CRIM1: variants seen among roughly 807,000 people sequenced by gnomAD.
The protein encoded by CRIM1 is cysteine rich transmembrane BMP regulator 1.
CRIM1 carries 32 observed loss-of-function variants against 116.4 expected under a neutral mutation model. The observed-to-expected ratio is 0.27, with a 90% CI of 0.21 to 0.37. The LOEUF (loss-of-function observed/expected upper bound fraction) is 0.37, where lower values mean the gene tolerates loss of function less well. Ranked by LOEUF, CRIM1 falls within the 10% of genes least tolerant of loss-of-function variation. The pLI is 1.00. For missense variants in CRIM1, 1,331 were observed against 1,354.8 expected (o/e 0.98, Z 0.28); for synonymous variants, 590 against 509.2 (o/e 1.16, Z -2.13).
chr2:36,492,979 A>G (rs1227830737), intron 7 of CRIM1, among the ~76,000 whole-genome samples: 2 of 152,220 alleles, frequency 1.3e-5, no homozygotes, highest in African/African-American at 4.8e-5. Flanking sequence ...TTTACAAAGA[A>G]GAGCTATGTA....
At chr2:36,388,216 G>A (rs56295703) in intron 1 of CRIM1, among the ~76,000 whole-genome samples, 31,988 of 151,904 alleles carry the variant, frequency 0.21, 3,453 homozygotes, top group Admixed American at 0.29. Flanking sequence ...TTTATTAAAC[G>A]AGATTTACTG....
At chr2:36,393,028 A>C (rs551965186) in intron 1 of CRIM1, among the ~76,000 whole-genome samples, 1 of 152,224 alleles carries the variant, frequency 6.6e-6, no homozygotes, top group Non-Finnish European at 1.5e-5. Context: ...CAGCGGCCTC[A>C]TCAAAGGCCT....
intron 14 of CRIM1, among the ~76,000 whole-genome samples, chr2:36,541,201 A>G (rs1317528394): frequency 6.6e-6 from 1 of 152,124 alleles, no homozygotes; most frequent in Non-Finnish European, 1.5e-5. Flanking sequence ...TCTCATCTGG[A>G]TAGCACATGC....
chr2:36,397,985 C>A (rs1572642030), intron 2 of CRIM1, among the ~76,000 whole-genome samples: 2 of 152,282 alleles, frequency 1.3e-5, no homozygotes, highest in Admixed American at 1.3e-4. Flanking sequence ...ATGACTTAAA[C>A]AATGCCATGG....
At chr2:36,513,315 A>G (rs1174306613) in intron 10 of CRIM1, 2 of 506,030 alleles carry the variant, frequency 4.0e-6, no homozygotes, top group Non-Finnish European at 7.1e-6. Flanking sequence ...AAGGAATAAA[A>G]AATCAGCGAT....
chr2:36,545,552 C>G (rs1250256947), intron 15 of CRIM1, among the ~76,000 whole-genome samples: 1 of 152,132 alleles, frequency 6.6e-6, no homozygotes, highest in Non-Finnish European at 1.5e-5. Flanking sequence ...TATGCTTCTC[C>G]TAGGCAACTG....
At chr2:36,529,246 C>CT (rs1665957937) in intron 13 of CRIM1, 2 of 469,776 alleles carry the variant, frequency 4.3e-6, no homozygotes, top group Non-Finnish European at 8.8e-6. Flanking sequence ...CCTCTGGAGA[C>CT]TGCTGGCAGA....
intron 2 of CRIM1, among the ~76,000 whole-genome samples, chr2:36,422,714 T>G (rs1490972742): frequency 6.6e-6 from 1 of 152,202 alleles, no homozygotes; most frequent in Non-Finnish European, 1.5e-5. Context: ...TTCCCCAGAT[T>G]TAATGATGAC....
At chr2:36,359,860 T>G (rs1295093998) in intron 1 of CRIM1, among the ~76,000 whole-genome samples, 1 of 152,184 alleles carries the variant, frequency 6.6e-6, no homozygotes, top group East Asian at 1.9e-4. Context: ...AGAGTGCAGG[T>G]CTTTTTCCTC....
At chr2:36,455,826 G>T (rs1677093657) in intron 4 of CRIM1, among the ~76,000 whole-genome samples, 1 of 152,196 alleles carries the variant, frequency 6.6e-6, no homozygotes, top group East Asian at 1.9e-4. Flanking sequence ...TTTGTCTGCA[G>T]AGGAAAGTTT....
At chr2:36,394,569 T>G (rs1671867035) in intron 1 of CRIM1, among the ~76,000 whole-genome samples, 1 of 152,022 alleles carries the variant, frequency 6.6e-6, no homozygotes, top group African/African-American at 2.4e-5. Context: ...TTTATGTGTC[T>G]ATGTTATATT....
intron 1 of CRIM1, among the ~76,000 whole-genome samples, chr2:36,389,810 A>T (rs1451742052): frequency 1.3e-5 from 2 of 152,126 alleles, no homozygotes; most frequent in African/African-American, 4.8e-5. Flanking sequence ...CAGCAAGCAG[A>T]TGGAAAGATA....
rs186000944 is a variant in CRIM1, at chr2:36,548,778, C to T, written c.*77C>T. ...TCTAAAAAGTAAACTAGAATTTGTG[C>T]ACTTGCTTAGTGGATTGTATTGGAT... On this transcript the variant is annotated 3_prime_UTR_variant, in exon 17 of 17. Transcript: ENST00000280527. The T allele has an allele frequency of 1.3e-3, 1,692 of 1,260,758 alleles. 4 individuals are homozygous for T. Among genetic ancestry groups the T allele is most frequent in the Non-Finnish European group, 1.3e-3 (1,200 of 905,734 alleles). 78.1% of individuals were successfully genotyped at this position (1,260,758 alleles called of 1,614,324 possible). A position where few individuals can be genotyped will look rare whatever the true frequency, so the allele number is the denominator to read the frequency against.
At chr2:36,379,692 G>A (rs2148330774) in intron 1 of CRIM1, among the ~76,000 whole-genome samples, 1 of 150,004 alleles carries the variant, frequency 6.7e-6, no homozygotes, top group Non-Finnish European at 1.5e-5. Context: ...ATCCTTGCTT[G>A]AGAGGAAGGA....
At chr2:36,416,896 G>C (rs1420320572) in intron 2 of CRIM1, among the ~76,000 whole-genome samples, 1 of 152,234 alleles carries the variant, frequency 6.6e-6, no homozygotes, top group Non-Finnish European at 1.5e-5. Context: ...CCTGGCTTCA[G>C]AGCATGACCA....
At chr2:36,522,750 C>A (rs1416663358) in intron 13 of CRIM1, among the ~76,000 whole-genome samples, 1 of 137,918 alleles carries the variant, frequency 7.3e-6, no homozygotes, top group African/African-American at 2.7e-5. Context: ...TACAGTGAGC[C>A]AAGATTGTGC....
At chr2:36,435,483 TTC>T (rs775878835) in intron 2 of CRIM1, among the ~76,000 whole-genome samples, 9 of 152,132 alleles carry the variant, frequency 5.9e-5, no homozygotes, top group Non-Finnish European at 8.8e-5. Flanking sequence ...AATTTTTATC[TTC>T]TTTTTTTTTC....
At chr2:36,394,735 C>T (rs1671883437) in intron 1 of CRIM1, among the ~76,000 whole-genome samples, 1 of 151,876 alleles carries the variant, frequency 6.6e-6, no homozygotes, top group Non-Finnish European at 1.5e-5. Flanking sequence ...AACTTCAAAT[C>T]TGAAAGATAA....
At chr2:36,363,054 G>A (rs567014326) in intron 1 of CRIM1, among the ~76,000 whole-genome samples, 2 of 152,104 alleles carry the variant, frequency 1.3e-5, no homozygotes, top group South Asian at 4.2e-4. Flanking sequence ...AAAAAAATTA[G>A]CCAGGCTTGG....
Sources: gnomAD v4.1 joint callset for allele counts (sites outside exome capture counted in the v4.1 genomes callset) on GRCh38, gnomAD v4.1.1 for gene constraint, MANE v1.5 for transcripts, NCBI Gene and HGNC (gene_info 2026-07-23, HGNC 2026-07-21) for gene names.